Variants in LAMB3 observed in about 807,000 individuals in gnomAD.
The protein encoded by LAMB3 is laminin subunit beta-3.
LAMB3 carries 104 observed loss-of-function variants against 140.3 expected under a neutral mutation model. The ratio of observed to expected loss-of-function variants is 0.74; its 90% CI spans 0.63 to 0.87. The LOEUF (loss-of-function observed/expected upper bound fraction) is 0.87. LAMB3 is among the 40% of genes least tolerant of loss of function. LAMB3 has a pLI of 0.00. For synonymous variants in LAMB3, 592 were observed against 602.9 expected (o/e 0.98, Z 0.26); for missense variants, 1,531 against 1,575.2 (o/e 0.97, Z 0.47).
chr1:209,627,630 C>A lies in LAMB3; in HGVS notation c.1289-51G>T, dbSNP rs375890100. On this transcript the variant is annotated intron_variant, in intron 11 of 22. Coordinates refer to ENST00000356082, the MANE Select transcript of LAMB3 (RefSeq NM_000228.3). Reference sequence around the variant, plus strand: ...AGGCAGACGCTCCATGAAAAACTCACCCCCAGAGGACACACATCCAGGGAG... The same window carrying A: ...AGGCAGACGCTCCATGAAAAACTCAACCCCAGAGGACACACATCCAGGGAG... The A allele has an allele frequency of 5.4e-5, 85 of 1,561,856 alleles. No homozygotes were observed. In the African/African-American group the frequency reaches 9.6e-4, roughly 18 times the overall value.
chr1:209,645,771 C>A (rs2076512473), intron 3 of LAMB3, among the ~76,000 whole-genome samples: 1 of 149,540 alleles, frequency 6.7e-6, no homozygotes, highest in Non-Finnish European at 1.5e-5. Context: ...GGCTCAAAAT[C>A]CCTTGTGGGT....
At chr1:209,620,643 T>C (rs1434945381) in intron 18 of LAMB3, among the ~76,000 whole-genome samples, 1 of 152,244 alleles carries the variant, frequency 6.6e-6, no homozygotes, top group Non-Finnish European at 1.5e-5. Flanking sequence ...TAGATGCCTT[T>C]AGGCAAGTTG....
In LAMB3 at chr1:209,615,347, G is replaced by A; in HGVS notation, c.3443C>T (p.Thr1148Ile). ...CTGCTCCACACGCTTCTCCAGTCCT[G>A]TCAGGTCCGCTGAGCGCAGCATGAT... ...QAIMLRSADL[T>I]GLEKRVEQIR... The change falls in exon 23 of 23, where the codon ACA (threonine) becomes ATA (isoleucine). Residue 1148 changes from threonine (T) to isoleucine (I), a missense_variant. Transcript: ENST00000356082. 1 of 1,613,794 alleles carries A rather than the reference G, an allele frequency of 6.2e-7. No homozygotes were observed. The highest frequency in any genetic ancestry group is 1.1e-5 in the South Asian group (1 of 91,050).
At chr1:209,646,453 A>G (rs1381972976) in intron 3 of LAMB3, among the ~76,000 whole-genome samples, 2 of 152,250 alleles carry the variant, frequency 1.3e-5, no homozygotes, top group Non-Finnish European at 2.9e-5. Flanking sequence ...TCACAAGGCC[A>G]CATCCCTGTT....
chr1:209,642,630 C>T (rs1449172774), intron 3 of LAMB3, among the ~76,000 whole-genome samples: 3 of 152,140 alleles, frequency 2.0e-5, no homozygotes, highest in Non-Finnish European at 4.4e-5. Flanking sequence ...AGGCACATGC[C>T]ACTATGCCCA....
chr1:209,614,903 A>C lies in LAMB3; in HGVS notation c.*368T>G. 1 of 203,508 alleles carries C rather than the reference A, an allele frequency of 4.9e-6. No individual in the cohort carries two copies. The highest frequency in any genetic ancestry group is 9.9e-6 in the Non-Finnish European group (1 of 100,870). 12.6% of individuals were successfully genotyped at this position (203,508 alleles called of 1,614,324 possible). On this transcript the variant is annotated 3_prime_UTR_variant, in exon 23 of 23. Coordinates refer to ENST00000356082, the MANE Select transcript of LAMB3 (RefSeq NM_000228.3). ...CGTTGAACCTCCAGGCTCTTTTCCAAAGATTTTTATTTGGCTTTTCATTTT... is the reference window on the plus strand; with the variant it reads ...CGTTGAACCTCCAGGCTCTTTTCCACAGATTTTTATTTGGCTTTTCATTTT...
chr1:209,649,419 C>T (rs2076545721), intron 3 of LAMB3, among the ~76,000 whole-genome samples: 1 of 152,162 alleles, frequency 6.6e-6, no homozygotes, highest in African/African-American at 2.4e-5. Flanking sequence ...TTGTAAAAGC[C>T]ATGACTAACA....
chr1:209,651,113 GAGCAGC>G, intron 1 of LAMB3, 132 bp from the exon 2 acceptor site: 2 of 711,438 alleles, frequency 2.8e-6, no homozygotes, highest in Non-Finnish European at 5.2e-6. Flanking sequence ...AGGACACTTG[GAGCAGC>G]AGATACATTT....
At chr1:209,645,722 G>GAAAAA (rs36106096) in intron 3 of LAMB3, among the ~76,000 whole-genome samples, 2,146 of 137,366 alleles carry the variant, frequency 0.016, 62 homozygotes, top group East Asian at 0.053. Context: ...TGTCCCAGGG[G>GAAAAA]AAAAAAAAAA....
chr1:209,648,472 G>T lies in LAMB3; in HGVS notation c.183+1492C>A, dbSNP rs557089643. 3.3e-5 allele frequency among the ~76,000 whole-genome samples: 5 copies of T among 152,320 alleles called. No individual in the cohort carries two copies. The East Asian group carries it at 5.8e-4, about 18-fold the overall frequency. ...CAGCCAGTGCTTCTCAGCTTTCACAGCAGAAAAATAGCTGAGATTTATCCA... is the reference window on the plus strand; with the variant it reads ...CAGCCAGTGCTTCTCAGCTTTCACATCAGAAAAATAGCTGAGATTTATCCA... On this transcript the variant is annotated intron_variant, in intron 3 of 22. Coordinates refer to ENST00000356082, the MANE Select transcript of LAMB3 (RefSeq NM_000228.3).
intron 4 of LAMB3, 64 bp downstream of exon 4, chr1:209,638,470 C>T: frequency 9.2e-7 from 1 of 1,086,640 alleles, no homozygotes; most frequent in Non-Finnish European, 1.4e-6. Flanking sequence ...TATAGGGCAC[C>T]TTCCATCCGT....
Position 209,632,678 on chromosome 1 carries a change from G to C in LAMB3, c.727C>G (p.Gln243Glu). 6.2e-7 allele frequency: 1 copy of C among 1,614,214 alleles called. No homozygotes were observed. Among genetic ancestry groups the C allele is most frequent in the East Asian group, 2.2e-5 (1 of 44,878 alleles). Residue 243 changes from glutamine to glutamate, a missense_variant, in exon 8 of 23, where the codon CAG becomes GAG. Transcript: ENST00000356082. ...HPPSAYYAVS[Q>E]LRLQGSCFCH... Reference sequence around the variant, plus strand: ...AAGCAGCTCCCCTGCAGACGGAGCTGGGACACAGCATAGTAGGCGCTGGGA... The same window carrying C: ...AAGCAGCTCCCCTGCAGACGGAGCTCGGACACAGCATAGTAGGCGCTGGGA...
At chr1:209,647,518 T>G (rs2076528443) in intron 3 of LAMB3, among the ~76,000 whole-genome samples, 1 of 152,156 alleles carries the variant, frequency 6.6e-6, no homozygotes. Context: ...GATCTGGTCC[T>G]GGGCTCAGGG....
chr1:209,626,239 C>T (rs1666447896), intron 13 of LAMB3, among the ~76,000 whole-genome samples: 1 of 152,196 alleles, frequency 6.6e-6, no homozygotes, highest in South Asian at 2.1e-4. Context: ...CTTAAAGTCA[C>T]ACACACACAT....
intron 5 of LAMB3, among the ~76,000 whole-genome samples, chr1:209,636,116 C>A (rs1460286502): frequency 6.6e-6 from 1 of 150,916 alleles, no homozygotes; most frequent in Non-Finnish European, 1.5e-5. Flanking sequence ...ATTTCAGCAT[C>A]TTGTTTCCTT....
chr1:209,621,483 A>G (rs1230617042), intron 18 of LAMB3, among the ~76,000 whole-genome samples: 1 of 152,200 alleles, frequency 6.6e-6, no homozygotes, highest in African/African-American at 2.4e-5. Context: ...AAGAGGAGCC[A>G]CTGTCATTAC....
chr1:209,646,176 A>G (rs1361319867), intron 3 of LAMB3, among the ~76,000 whole-genome samples: 2 of 152,316 alleles, frequency 1.3e-5, no homozygotes, highest in South Asian at 2.1e-4. Context: ...CATTGTCGGG[A>G]GCAGAAATCA....
At chr1:209,633,673 T>C (rs1455269874) in intron 6 of LAMB3, among the ~76,000 whole-genome samples, 1 of 152,108 alleles carries the variant, frequency 6.6e-6, no homozygotes, top group African/African-American at 2.4e-5. Context: ...GTAGTTAACA[T>C]AGATTTGCGT....
chr1:209,630,631 G>T lies in LAMB3; in HGVS notation c.927C>A (p.Asp309Glu), dbSNP rs141059189. ...AGCTCCTACTTTGGCATTCATGGGC[G>T]TCCTGGCCCTCCGCCGGTCTCCAGG... Reference protein sequence around the residue: ...NRPWRPAEGQDAHECQRCDCN... With the variant: ...NRPWRPAEGQEAHECQRCDCN... The change falls in exon 9 of 23, where the codon GAC becomes GAA. Residue 309 changes from aspartate to glutamate, a missense_variant. Physicochemically the swap from Asp to Glu is conservative, Grantham distance 45 (BLOSUM62 2). Transcript: ENST00000356082. 33 of 1,614,032 alleles carry T rather than the reference G, an allele frequency of 2.0e-5. No homozygotes were observed. In the African/African-American group the frequency reaches 3.3e-4, roughly 16 times the overall value.
Sources: allele counts gnomAD v4.1 joint callset (sites outside exome capture counted in the v4.1 genomes callset), GRCh38; gene constraint gnomAD v4.1.1; transcripts MANE v1.5; gene names NCBI Gene and HGNC (gene_info 2026-07-23, HGNC 2026-07-21).